Variants in NALF1 observed in about 807,000 individuals in gnomAD.
NALF1 encodes the protein family with sequence similarity 155 member A.
A neutral mutation model predicts 48.4 loss-of-function variants in NALF1; 3 were observed. The ratio of observed to expected loss-of-function variants is 0.06; its 90% CI spans 0.03 to 0.16. The LOEUF is 0.16. Ranked by LOEUF, NALF1 falls within the 10% of genes least tolerant of loss-of-function variation. The pLI, the probability that NALF1 is intolerant of heterozygous loss-of-function variation, is 1.00. For missense variants in NALF1, 526 were observed against 571.5 expected (o/e 0.92, Z 0.81); for synonymous variants, 262 against 245.7 (o/e 1.07, Z -0.62).
chr13:107,341,922 T>C (rs148917575), intron 1 of NALF1, among the ~76,000 whole-genome samples: 4 of 151,446 alleles, frequency 2.6e-5, no homozygotes, highest in Non-Finnish European at 5.9e-5. Context: ...GATGCATATA[T>C]ACAGTTTAGA....
chr13:107,470,186 T>G (rs1041788438), intron 1 of NALF1, among the ~76,000 whole-genome samples: 10 of 152,210 alleles, frequency 6.6e-5, no homozygotes, highest in Admixed American at 1.3e-4. Flanking sequence ...GGTCTAATGG[T>G]CCCTAACTTT....
intron 1 of NALF1, among the ~76,000 whole-genome samples, chr13:107,287,830 C>A (rs890677920): frequency 6.6e-6 from 1 of 151,566 alleles, no homozygotes; most frequent in East Asian, 1.9e-4. Context: ...CTCAGCCTCC[C>A]GAGTAACTGG....
intron 1 of NALF1, among the ~76,000 whole-genome samples, chr13:107,421,399 A>G (rs1884184266): frequency 6.6e-6 from 1 of 152,208 alleles, no homozygotes; most frequent in Non-Finnish European, 1.5e-5. Context: ...TGTGTAATTT[A>G]TGGAAATAAA....
chr13:107,311,373 T>C (rs192144570), intron 1 of NALF1, among the ~76,000 whole-genome samples: 2 of 152,282 alleles, frequency 1.3e-5, no homozygotes, highest in Non-Finnish European at 2.9e-5. Context: ...TATTGCTTCT[T>C]TAATTTGAAA....
chr13:107,287,877 T>G (rs1364508603), intron 1 of NALF1, among the ~76,000 whole-genome samples: 2 of 151,602 alleles, frequency 1.3e-5, no homozygotes, highest in Non-Finnish European at 2.9e-5. Flanking sequence ...GGCTAATTTT[T>G]TGTATTTTTA....
At chr13:107,177,202 G>T (rs1249045145) in intron 2 of NALF1, among the ~76,000 whole-genome samples, 2 of 151,880 alleles carry the variant, frequency 1.3e-5, no homozygotes, top group East Asian at 3.9e-4. Flanking sequence ...ATGCAACATT[G>T]ATGAAAGAAA....
At chr13:107,222,950 C>G (rs558152059) in intron 1 of NALF1, among the ~76,000 whole-genome samples, 1 of 152,278 alleles carries the variant, frequency 6.6e-6, no homozygotes, top group Non-Finnish European at 1.5e-5. Context: ...GATTTGTTTA[C>G]TTGATCAAGG....
intron 1 of NALF1, among the ~76,000 whole-genome samples, chr13:107,847,933 T>A (rs1313881776): frequency 7.2e-6 from 1 of 138,054 alleles, no homozygotes; most frequent in Non-Finnish European, 1.6e-5. Flanking sequence ...GCAAGAAAAA[T>A]AAACTGAACC....
At chr13:107,767,159 G>A (rs1186348052) in intron 1 of NALF1, among the ~76,000 whole-genome samples, 2 of 152,140 alleles carry the variant, frequency 1.3e-5, no homozygotes, top group Non-Finnish European at 2.9e-5. Flanking sequence ...CAAAATAAAT[G>A]TTTCATATGG....
intron 1 of NALF1, among the ~76,000 whole-genome samples, chr13:107,560,968 C>T (rs1877629110): frequency 6.6e-6 from 1 of 152,130 alleles, no homozygotes; most frequent in Non-Finnish European, 1.5e-5. Flanking sequence ...TTCCAAAAAA[C>T]AATTTTTAAA....
intron 1 of NALF1, among the ~76,000 whole-genome samples, chr13:107,733,954 T>C (rs1052082274): frequency 6.6e-6 from 1 of 152,200 alleles, no homozygotes; most frequent in African/African-American, 2.4e-5. Flanking sequence ...TACAGCCTAC[T>C]ACATACCTAG....
intron 1 of NALF1, among the ~76,000 whole-genome samples, chr13:107,731,063 T>C (rs1375269752): frequency 6.6e-6 from 1 of 152,156 alleles, no homozygotes; most frequent in African/African-American, 2.4e-5. Flanking sequence ...CAGTATCAAT[T>C]ACAGGAACGA....
chr13:107,631,583 C>A (rs1021449748), intron 1 of NALF1, among the ~76,000 whole-genome samples: 1 of 152,016 alleles, frequency 6.6e-6, no homozygotes, highest in Non-Finnish European at 1.5e-5. Flanking sequence ...CTCTTGAGAG[C>A]TTTTTATTAC....
intron 1 of NALF1, among the ~76,000 whole-genome samples, chr13:107,473,594 G>A (rs1885133741): frequency 6.6e-6 from 1 of 152,186 alleles, no homozygotes; most frequent in Non-Finnish European, 1.5e-5. Flanking sequence ...AGAGAAGGTA[G>A]AGGGAAGGAC....
chr13:107,573,857 C>T (rs903002471), intron 1 of NALF1, among the ~76,000 whole-genome samples: 8 of 152,172 alleles, frequency 5.3e-5, no homozygotes, highest in Non-Finnish European at 1.0e-4. Context: ...ACTCACCTTC[C>T]ACCATGATTG....
At chr13:107,195,090 G>A (rs1400493702) in intron 2 of NALF1, among the ~76,000 whole-genome samples, 1 of 152,142 alleles carries the variant, frequency 6.6e-6, no homozygotes, top group African/African-American at 2.4e-5. Context: ...TAGACGTGTT[G>A]AACAGCAAAC....
intron 1 of NALF1, among the ~76,000 whole-genome samples, chr13:107,601,422 A>T (rs1276109205): frequency 6.6e-6 from 1 of 152,184 alleles, no homozygotes; most frequent in Non-Finnish European, 1.5e-5. Flanking sequence ...ATATGTATCC[A>T]ACTTTCCTAT....
intron 1 of NALF1, among the ~76,000 whole-genome samples, chr13:107,468,004 C>T (rs1306347672): frequency 1.3e-5 from 2 of 149,924 alleles, no homozygotes; most frequent in African/African-American, 4.9e-5. Flanking sequence ...ACTGAGATCG[C>T]GCCACTGCCC....
chr13:107,231,949 C>G (rs913492647), intron 1 of NALF1, among the ~76,000 whole-genome samples: 1 of 152,120 alleles, frequency 6.6e-6, no homozygotes. Context: ...TAATCTATTT[C>G]TTTTTATTTT....
Sources: allele counts gnomAD v4.1 joint callset (sites outside exome capture counted in the v4.1 genomes callset), GRCh38; gene constraint gnomAD v4.1.1; transcripts MANE v1.5; gene names NCBI Gene and HGNC (gene_info 2026-07-23, HGNC 2026-07-21).